TBC1D9B: variants seen among roughly 807,000 people sequenced by gnomAD.
TBC1D9B encodes the protein TBC1 domain family member 9B, also known as TBC1 domain family, member 9B (with GRAM domain).
In TBC1D9B, 87 loss-of-function variants were observed where a neutral mutation model predicts 121.1. The observed-to-expected ratio is 0.72, with a 90% CI of 0.60 to 0.86. The LOEUF (loss-of-function observed/expected upper bound fraction) is 0.86, where lower values mean the gene tolerates loss of function less well. Ranked by LOEUF, TBC1D9B falls within the 40% of genes least tolerant of loss-of-function variation. The probability of loss-of-function intolerance (pLI) is 0.00; values close to 1 mark genes in which losing one functional copy is unlikely to be tolerated. For missense variants in TBC1D9B, 1,540 were observed against 1,628.6 expected, an observed-to-expected ratio of 0.95 and a Z score of 0.94; for synonymous variants, 668 against 670.1, an observed-to-expected ratio of 1.00 and a Z score of 0.05.
At position 179,869,890 on chromosome 5, in the gene TBC1D9B, C is replaced by A; in HGVS notation, c.2726-56G>T. 3 of 1,489,882 alleles carry A rather than the reference C, an allele frequency of 2.0e-6. No homozygotes were observed. In the South Asian group the frequency reaches 4.1e-5, roughly 20 times the overall value. The allele number at this position is 1,489,882 out of a possible 1,614,324, so 92.3% of individuals were successfully genotyped here. ...GGCAACATGGCTGCAGAGCCCCTTCCAGGGGGTCCGAGTAGGACCCTCTTC... is the reference window on the plus strand; with the variant it reads ...GGCAACATGGCTGCAGAGCCCCTTCAAGGGGGTCCGAGTAGGACCCTCTTC... On this transcript the variant is annotated intron_variant, in intron 16 of 20. Coordinates refer to ENST00000355235, the MANE Select transcript of TBC1D9B (RefSeq NM_015043.4).
intron 4 of TBC1D9B, 62 bp downstream of exon 4, chr5:179,894,324 G>C: frequency 6.8e-7 from 1 of 1,459,962 alleles, no homozygotes; most frequent in Non-Finnish European, 9.3e-7. Context: ...GAGTATCTGG[G>C]GGCCGAAGGC....
At position 179,874,963 on chromosome 5, in the gene TBC1D9B, C is replaced by CCT. The variant is rs1561636705; in HGVS notation, c.2124_2125insAG (p.Ala709ArgfsTer17). ...CAGCCCAGCAGCTGCTCCATGTTGG[C>CCT]GTCCAGGACGGCCAGGGCCACCTGC... is the stretch of plus-strand genomic sequence containing the variant. On this transcript the variant is annotated frameshift_variant, in exon 12 of 21. Coordinates refer to ENST00000355235, the MANE Select transcript of TBC1D9B (RefSeq NM_015043.4). LOFTEE classifies it high-confidence loss of function. The surrounding 1 kb of genome is among the most constrained non-coding windows in gnomAD (Gnocchi z 4.3). 6 of 1,613,772 alleles carry CCT rather than the reference C, an allele frequency of 3.7e-6. No individual in the cohort carries two copies. Among genetic ancestry groups the CCT allele is most frequent in the Non-Finnish European group, 5.1e-6 (6 of 1,180,036 alleles).
intron 3 of TBC1D9B, among the ~76,000 whole-genome samples, chr5:179,896,221 T>C (rs1371943722): frequency 3.3e-5 from 5 of 152,226 alleles, no homozygotes; most frequent in Admixed American, 6.5e-5. Flanking sequence ...TATCCAAGTT[T>C]CTCCCATGAA....
chr5:179,877,597 G>A (rs959471094), intron 10 of TBC1D9B, among the ~76,000 whole-genome samples: 15 of 149,764 alleles, frequency 1.0e-4, no homozygotes, highest in African/African-American at 3.7e-4. Context: ...CTGGGTGGTA[G>A]AGGTTGCAGT....
chr5:179,891,283 C>CT lies in TBC1D9B; in HGVS notation c.1044+95_1044+96insA. The CT allele has an allele frequency of 1.4e-6, 2 of 1,418,270 alleles. No individual in the cohort carries two copies. Among genetic ancestry groups the CT allele is most frequent in the East Asian group, 4.6e-5 (2 of 43,296 alleles). 87.9% of individuals were successfully genotyped at this position (1,418,270 alleles called of 1,614,324 possible). A position where few individuals can be genotyped will look rare whatever the true frequency, so the allele number is the denominator to read the frequency against. On this transcript the variant is annotated intron_variant, in intron 6 of 20. Transcript: ENST00000355235. The surrounding 1 kb of genome is among the most constrained non-coding windows in gnomAD (Gnocchi z 4.3). ...GCTAGGGCATCCTCCCAGGTACCCCCCAGTGAGACAGGGCAGAGCAGGACA... is the reference window on the plus strand; with the variant it reads ...GCTAGGGCATCCTCCCAGGTACCCCCTCAGTGAGACAGGGCAGAGCAGGACA...
At chr5:179,896,629 T>A (rs1761024062) in intron 3 of TBC1D9B, among the ~76,000 whole-genome samples, 1 of 151,900 alleles carries the variant, frequency 6.6e-6, no homozygotes, top group African/African-American at 2.4e-5. Flanking sequence ...TTCAAGCAAT[T>A]CTTGTGCCTC....
chr5:179,877,070 CAAAAAAAAAAAAAA>C (rs58537646), intron 10 of TBC1D9B, among the ~76,000 whole-genome samples: 2 of 34,142 alleles, frequency 5.9e-5, no homozygotes, highest in African/African-American at 1.9e-4. Context: ...GATCCTGTCT[CAAAAAAAAAAAAAA>C]AAAAAAAAAA....
intron 10 of TBC1D9B, among the ~76,000 whole-genome samples, chr5:179,877,070 C>CAAAAAAAAA (rs58537646): frequency 2.9e-5 from 1 of 34,126 alleles, no homozygotes; most frequent in African/African-American, 9.6e-5. Flanking sequence ...GATCCTGTCT[C>CAAAAAAAAA]AAAAAAAAAA....
At position 179,865,932 on chromosome 5, in the gene TBC1D9B, T is replaced by C; in HGVS notation, c.2864-44A>G. ...AAAAAGAACATGAATAACATTCTGC[T>C]GTTGGGACTGCAAGCTCCTGGGGTC... On this transcript the variant is annotated intron_variant, in intron 18 of 20. Coordinates refer to ENST00000355235, the MANE Select transcript of TBC1D9B (RefSeq NM_015043.4). The surrounding 1 kb of genome is among the most constrained non-coding windows in gnomAD (Gnocchi z 5.1). 2.5e-6 allele frequency: 4 copies of C among 1,610,144 alleles called. No homozygotes were observed. The highest frequency in any genetic ancestry group is 3.4e-6 in the Non-Finnish European group (4 of 1,176,450).
intron 9 of TBC1D9B, 32 bp from the exon 10 acceptor site, chr5:179,878,555 CCTT>C (rs777341820): frequency 1.6e-4 from 252 of 1,561,344 alleles, no homozygotes; most frequent in Admixed American, 2.1e-4. Context: ...CTGTCTCTGT[CCTT>C]CTTCTGGTAC....
At chr5:179,900,527 C>CA (rs1170053322) in intron 2 of TBC1D9B, among the ~76,000 whole-genome samples, 3 of 152,130 alleles carry the variant, frequency 2.0e-5, no homozygotes, top group Non-Finnish European at 2.9e-5. Flanking sequence ...TTCAGGTGGT[C>CA]AGATTCTGTA....
rs1296173216 is a variant in TBC1D9B, at chr5:179,874,047, T to C, written c.2187-799A>G. On this transcript the variant is annotated intron_variant, in intron 12 of 20. Transcript: ENST00000355235. The surrounding 1 kb of genome is among the most constrained non-coding windows in gnomAD (Gnocchi z 4.3). ...TCCCAGGCAGCACCTGGCCTGGCCA[T>C]GGGCAAGTGGCAGAGTCCCAGGCTG... Among the ~76,000 whole-genome samples the C allele has an allele frequency of 1.3e-5, 2 of 152,128 alleles. No homozygotes were observed. The highest frequency in any genetic ancestry group is 2.9e-5 in the Non-Finnish European group (2 of 68,022).
chr5:179,874,932 T>A lies in TBC1D9B; in HGVS notation c.2156A>T (p.Asp719Val). The A allele has an allele frequency of 6.2e-7, 1 of 1,613,526 alleles. No homozygotes were observed. Among genetic ancestry groups the A allele is most frequent in the South Asian group, 1.1e-5 (1 of 91,082 alleles). ...ANMEQLLGCS[D>V]EGEAMTMLGR... is the part of the protein sequence containing the mutation. Reference sequence around the variant, plus strand: ...CAGCATGGTCATGGCCTCGCCCTCGTCGCTGCAGCCCAGCAGCTGCTCCAT... The same window carrying A: ...CAGCATGGTCATGGCCTCGCCCTCGACGCTGCAGCCCAGCAGCTGCTCCAT... The change falls in exon 12 of 21, where the codon GAC (aspartate) becomes GTC (valine). Residue 719 changes from aspartate to valine, a missense_variant. Physicochemically the swap from Asp to Val is radical, Grantham distance 152 (BLOSUM62 -3). Coordinates refer to ENST00000355235, the MANE Select transcript of TBC1D9B (RefSeq NM_015043.4). The surrounding 1 kb of genome is among the most constrained non-coding windows in gnomAD (Gnocchi z 4.3).
At position 179,863,934 on chromosome 5, in the gene TBC1D9B, G is replaced by T. The variant is rs765775842; in HGVS notation, c.3216C>A (p.Pro1072=). 6.2e-7 allele frequency: 1 copy of T among 1,613,878 alleles called. No homozygotes were observed. The highest frequency in any genetic ancestry group is 1.7e-5 in the Admixed American group (1 of 60,020). ...CCCTGGCTGCGTCCTGATGCAGTTC[G>T]GGTGCTGGTGGCTCGTCCTCCTCAG... is the stretch of plus-strand genomic sequence containing the variant. ...CATEEDEPPA[P]ELHQDAAREL... The change falls in exon 21 of 21, where the codon CCC becomes CCA. Residue 1072 remains proline, a synonymous_variant. Transcript: ENST00000355235. This position sits in a 1 kb window ranked among gnomAD's most constrained non-coding sequence, Gnocchi z 4.5.
At chr5:179,895,556 T>C (rs1008421881) in intron 3 of TBC1D9B, among the ~76,000 whole-genome samples, 2 of 152,162 alleles carry the variant, frequency 1.3e-5, no homozygotes, top group African/African-American at 4.8e-5. Flanking sequence ...GCTGCTGGCA[T>C]TGTTACAGGG....
intron 16 of TBC1D9B, 35 bp downstream of exon 16, chr5:179,870,220 G>A: frequency 6.2e-7 from 1 of 1,609,498 alleles, no homozygotes; most frequent in Non-Finnish European, 8.5e-7. Context: ...GGGTGAGGGA[G>A]GGTCAAGCCC....
At chr5:179,897,825 A>T (rs1349649290) in intron 3 of TBC1D9B, among the ~76,000 whole-genome samples, 1 of 152,204 alleles carries the variant, frequency 6.6e-6, no homozygotes, top group Non-Finnish European at 1.5e-5. Flanking sequence ...GATAGAGGTA[A>T]CCAGGTCTCA....
At chr5:179,866,919 C>T (rs1475607615) in intron 18 of TBC1D9B, 2 of 155,086 alleles carry the variant, frequency 1.3e-5, no homozygotes, top group African/African-American at 4.8e-5. Context: ...TGCATGTCAC[C>T]AGCTCGACTG....
At chr5:179,872,848 G>GGGCCCCCCCCC in intron 14 of TBC1D9B, 44 bp downstream of exon 14, 1 of 1,457,256 alleles carries the variant, frequency 6.9e-7, no homozygotes, top group Non-Finnish European at 9.5e-7. Flanking sequence ...AGGCACTGCT[G>GGGCCCCCCCCC]CCCCCCCAGC....
Sources: gnomAD v4.1 joint callset for allele counts (sites outside exome capture counted in the v4.1 genomes callset) on GRCh38, gnomAD v4.1.1 for gene constraint, Gnocchi (gnomAD v3.1) non-coding constraint, MANE v1.5 for transcripts, NCBI Gene and HGNC (gene_info 2026-07-23, HGNC 2026-07-21) for gene names.